Variants in ZZEF1 observed in about 807,000 individuals in gnomAD.
ZZEF1 encodes zinc finger ZZ-type and EF-hand domain-containing protein 1.
Under a neutral mutation model 342.8 loss-of-function variants are expected in ZZEF1, and 157 were observed. The observed-to-expected ratio is 0.46, with a 90% confidence interval of 0.40 to 0.52. ZZEF1 has a LOEUF of 0.52. Ranked by LOEUF, ZZEF1 falls within the 20% of genes least tolerant of loss-of-function variation. The pLI, the probability that ZZEF1 is intolerant of heterozygous loss-of-function variation, is 0.00. For synonymous variants in ZZEF1, 1,505 were observed against 1,429.1 expected (o/e 1.05, Z -1.20); for missense variants, 3,480 against 3,725.6 (o/e 0.93, Z 1.72).
intron 2 of ZZEF1, among the ~76,000 whole-genome samples, chr17:4,120,767 G>A (rs879657850): frequency 6.6e-6 from 1 of 152,116 alleles, no homozygotes; most frequent in African/African-American, 2.4e-5. Flanking sequence ...ATGGCAAAAC[G>A]TTGTATCTAT....
chr17:4,042,432 C>T lies in ZZEF1; in HGVS notation c.6303G>A (p.Lys2101=). 6.2e-7 allele frequency: 1 copy of T among 1,611,868 alleles called. No homozygotes were observed. The highest frequency in any genetic ancestry group is 8.5e-7 in the Non-Finnish European group (1 of 1,179,340). ...GLLAAMLPPL[K]SGPTVPLIDL... Reference sequence around the variant, plus strand: ...TTTAAAAATAAATTGCCCTTACCGACTTTAAGGGAGGTAACATGGCTGCTA... The same window carrying T: ...TTTAAAAATAAATTGCCCTTACCGATTTTAAGGGAGGTAACATGGCTGCTA... The change falls in exon 39 of 55, where the codon AAG becomes AAA. Residue 2101 remains lysine, a synonymous_variant. Transcript: ENST00000381638.
chr17:4,090,571 C>T, intron 12 of ZZEF1, 148 bp downstream of exon 12: 1 of 648,238 alleles, frequency 1.5e-6, no homozygotes, highest in Non-Finnish European at 2.8e-6. Context: ...CACTGTCTTA[C>T]ACATCTGTCT....
Position 4,136,343 on chromosome 17 carries a change from C to CA in ZZEF1, c.354+6198dup, listed in dbSNP as rs10567843. 9.4e-4 allele frequency among the ~76,000 whole-genome samples: 123 copies of CA among 130,506 alleles called. 1 individual carries two copies. The highest frequency in any genetic ancestry group is 3.0e-3 in the African/African-American group (101 of 33,216). The allele number at this position is 130,506 out of a possible 152,430, so 85.6% of individuals were successfully genotyped here. On this transcript the variant is annotated intron_variant, in intron 1 of 54. Coordinates refer to ENST00000381638, the MANE Select transcript of ZZEF1 (RefSeq NM_015113.4). ...TGGGCGACAGAGTGAGACTCCGTCT[C>CA]AAAAAAAAAAAAACAAAGACATTAC... is the stretch of plus-strand genomic sequence containing the variant.
At chr17:4,111,226 TACAC>T (rs921658978) in intron 5 of ZZEF1, among the ~76,000 whole-genome samples, 7 of 152,214 alleles carry the variant, frequency 4.6e-5, no homozygotes, top group Non-Finnish European at 5.9e-5. Context: ...TACACACACT[TACAC>T]ACACAAATAC....
Position 4,014,556 on chromosome 17 carries a change from C to T in ZZEF1, c.8146-41G>A, listed in dbSNP as rs2056051219. Reference sequence around the variant, plus strand: ...GGAGAACACATCTGTCGATGCTGCTCACTAGACACTGACTGCAGCTGTCCC... The same window carrying T: ...GGAGAACACATCTGTCGATGCTGCTTACTAGACACTGACTGCAGCTGTCCC... On this transcript the variant is annotated intron_variant, in intron 49 of 54. Coordinates refer to ENST00000381638, the MANE Select transcript of ZZEF1 (RefSeq NM_015113.4). The surrounding 1 kb of genome is among the most constrained non-coding windows in gnomAD (Gnocchi z 4.4). 3 of 1,602,348 alleles carry T rather than the reference C, an allele frequency of 1.9e-6. No individual in the cohort carries two copies. Among genetic ancestry groups the T allele is most frequent in the Non-Finnish European group, 2.6e-6 (3 of 1,170,672 alleles).
At chr17:4,028,656 T>A (rs1012459663) in intron 42 of ZZEF1, among the ~76,000 whole-genome samples, 8 of 152,132 alleles carry the variant, frequency 5.3e-5, no homozygotes, top group African/African-American at 9.7e-5. Context: ...TTGGATTTTT[T>A]AAAAAAAGAC....
chr17:4,019,284 TG>T (rs2056200956), intron 46 of ZZEF1, among the ~76,000 whole-genome samples: 1 of 152,190 alleles, frequency 6.6e-6, no homozygotes, highest in Admixed American at 6.5e-5. Context: ...AAACTAGCTC[TG>T]AACTTCCTGG....
intron 35 of ZZEF1, 81 bp downstream of exon 35, chr17:4,051,890 T>G (rs947713480): frequency 5.4e-5 from 79 of 1,472,748 alleles, no homozygotes; most frequent in Admixed American, 1.2e-4. Context: ...AAAAACTTTT[T>G]TAAAAAAAGA....
intron 1 of ZZEF1, among the ~76,000 whole-genome samples, chr17:4,130,716 G>C (rs1411899577): frequency 1.3e-5 from 2 of 152,100 alleles, no homozygotes; most frequent in Admixed American, 6.6e-5. Flanking sequence ...AAGAAAGATG[G>C]AATGCAGAAA....
rs2058268593 is a variant in ZZEF1 at position 4,109,834 on chromosome 17, T to C, written c.1096A>G (p.Ser366Gly). The C allele has an allele frequency of 6.2e-7, 1 of 1,614,198 alleles. No individual in the cohort carries two copies. Among genetic ancestry groups the C allele is most frequent in the Non-Finnish European group, 8.5e-7 (1 of 1,180,036 alleles). The change falls in exon 6 of 55, where the codon AGC (serine) becomes GGC (glycine). Residue 366 changes from serine (S) to glycine (G), a missense_variant. Physicochemically the swap from Ser to Gly is moderately conservative, Grantham distance 56 (BLOSUM62 0). Coordinates refer to ENST00000381638, the MANE Select transcript of ZZEF1 (RefSeq NM_015113.4). The part of the protein sequence containing the change: ...YVQINIKRCL[S>G]DGCDTRIHGL... Reference sequence around the variant, plus strand: ...TGAATTCTAGTGTCGCAGCCATCGCTAAGACAACGCTTTATGTTAATCTGG... The same window carrying C: ...TGAATTCTAGTGTCGCAGCCATCGCCAAGACAACGCTTTATGTTAATCTGG...
chr17:4,042,636 C>T (rs1813682365), intron 38 of ZZEF1, 68 bp from the exon 39 acceptor site: 1 of 1,476,220 alleles, frequency 6.8e-7, no homozygotes, highest in Non-Finnish European at 9.2e-7. Flanking sequence ...AAGTAAACCA[C>T]TGCACTGTCC....
intron 29 of ZZEF1, among the ~76,000 whole-genome samples, chr17:4,064,064 G>T (rs749106393): frequency 3.1e-5 from 3 of 98,278 alleles, no homozygotes; most frequent in Non-Finnish European, 4.0e-5. Context: ...TGTAGATGGA[G>T]GGGGGGGGGT....
At chr17:4,077,128 C>A (rs1024438012) in intron 19 of ZZEF1, 139 bp from the exon 20 acceptor site, 7 of 692,030 alleles carry the variant, frequency 1.0e-5, no homozygotes, top group Non-Finnish European at 1.5e-5. Flanking sequence ...CAGCAAGTGC[C>A]GTCCTAATGC....
At chr17:4,105,543 G>C in intron 7 of ZZEF1, 150 bp downstream of exon 7, 1 of 635,996 alleles carries the variant, frequency 1.6e-6, no homozygotes, top group Non-Finnish European at 2.7e-6. Flanking sequence ...TTAGATGAGT[G>C]AACTATTATG....
chr17:4,018,856 T>C (rs911216034), intron 46 of ZZEF1, among the ~76,000 whole-genome samples: 1 of 151,884 alleles, frequency 6.6e-6, no homozygotes, highest in Non-Finnish European at 1.5e-5. Context: ...CTCCCCTCTT[T>C]CCTCTGGGCT....
chr17:4,044,273 G>C lies in ZZEF1; in HGVS notation c.6117C>G (p.Thr2039=). 6.2e-7 allele frequency: 1 copy of C among 1,614,060 alleles called. No homozygotes were observed. The highest frequency in any genetic ancestry group is 1.7e-5 in the Admixed American group (1 of 60,022). The change falls in exon 38 of 55, where the codon ACC becomes ACG. Residue 2039 remains threonine (T), a synonymous_variant. Transcript: ENST00000381638. ...VSLSKDPSCQ[T]QISDSPADAS... ...CATCTGCAGGTGAATCTGAAATTTG[G>C]GTCTGGCATGAAGGATCCTTCGATA...
chr17:4,115,533 C>T (rs1033988596), intron 3 of ZZEF1, among the ~76,000 whole-genome samples: 2 of 152,000 alleles, frequency 1.3e-5, no homozygotes, highest in Admixed American at 6.6e-5. Flanking sequence ...CACGGTGGCA[C>T]GTGCCTGTAA....
chr17:4,082,529 A>C (rs775924421), intron 16 of ZZEF1, 25 bp from the exon 17 acceptor site: 1 of 1,610,682 alleles, frequency 6.2e-7, no homozygotes, highest in East Asian at 2.2e-5. Flanking sequence ...GAAATTGTAT[A>C]TTCAGAAAAT....
chr17:4,104,563 T>C lies in ZZEF1; in HGVS notation c.1573+70A>G, dbSNP rs1000755175. ...GATGAGAAGATACCAGGAGGTCATA[T>C]GGCGAAGAATGGTTTTACGATTTGT... On this transcript the variant is annotated intron_variant, in intron 8 of 54. Coordinates refer to ENST00000381638, the MANE Select transcript of ZZEF1 (RefSeq NM_015113.4). 7.5e-5 allele frequency: 116 copies of C among 1,541,276 alleles called. 1 individual carries two copies. Among genetic ancestry groups the C allele is most frequent in the Middle Eastern group, 4.6e-4 (2 of 4,312 alleles).
Sources: allele counts gnomAD v4.1 joint callset (sites outside exome capture counted in the v4.1 genomes callset), GRCh38; gene constraint gnomAD v4.1.1; non-coding constraint Gnocchi (gnomAD v3.1); transcripts MANE v1.5; gene names NCBI Gene and HGNC (gene_info 2026-07-23, HGNC 2026-07-21).